PHF1: variants seen among roughly 807,000 people sequenced by gnomAD.
The protein encoded by PHF1 is PHD finger protein 1.
PHF1 carries 16 observed loss-of-function variants against 69.4 expected under a neutral mutation model. The ratio of observed to expected loss-of-function variants is 0.23; its 90% CI spans 0.16 to 0.35. The LOEUF is 0.35. Among genes scored for constraint, PHF1 ranks in the 10% least tolerant of loss-of-function variants. The pLI is 1.00. For missense variants in PHF1, 515 were observed against 732.8 expected, an observed-to-expected ratio of 0.70 and a Z score of 3.43; for synonymous variants, 274 against 275.0, an observed-to-expected ratio of 1.00 and a Z score of 0.04.
Position 33,414,863 on chromosome 6 carries a change from A to T in PHF1, c.1049+34A>T. 6.6e-7 allele frequency: 1 copy of T among 1,524,112 alleles called. No individual in the cohort carries two copies. Among genetic ancestry groups the T allele is most frequent in the Non-Finnish European group, 8.8e-7 (1 of 1,130,354 alleles). 94.4% of individuals were successfully genotyped at this position (1,524,112 alleles called of 1,614,324 possible). A position where few individuals can be genotyped will look rare whatever the true frequency, so the allele number is the denominator to read the frequency against. On this transcript the variant is annotated intron_variant, in intron 11 of 14. Transcript: ENST00000374516. This position sits in a 1 kb window ranked among gnomAD's most constrained non-coding sequence, Gnocchi z 5.0. The stretch of plus-strand genomic sequence containing the variant: ...TCCAGGGGGGATGGGGGAAATTCTC[A>T]GGGTGTTAGTCCTGGGGGGTATATG...
Position 33,414,342 on chromosome 6 carries a change from T to A in PHF1, c.852T>A (p.Asn284Lys). 6.2e-7 allele frequency: 1 copy of A among 1,614,140 alleles called. No individual in the cohort carries two copies. The highest frequency in any genetic ancestry group is 1.1e-5 in the South Asian group (1 of 91,082). ...AGATCCTCCCCTTCACTTCTGAGAA[T>A]TGGGACAGTTTGCTCCTGGGGGAGG... ...DREILPFTSE[N>K]WDSLLLGELS... Residue 284 changes from asparagine to lysine, a missense_variant, in exon 9 of 15, where the codon AAT becomes AAA. Physicochemically the swap from Asn to Lys is moderately conservative, Grantham distance 94. Coordinates refer to ENST00000374516, the MANE Select transcript of PHF1 (RefSeq NM_024165.3). This position sits in a 1 kb window ranked among gnomAD's most constrained non-coding sequence, Gnocchi z 5.0.
chr6:33,413,284 G>C lies in PHF1; in HGVS notation c.426G>C (p.Ala142=), dbSNP rs190362846. The part of the protein sequence containing the change: ...TSWVCRQCVF[A]IATKRGGALK... ...GGGTATGCCGCCAGTGTGTCTTTGC[G>C]ATCGCCACCAAGGTAAAGGCACTTC... The change falls in exon 5 of 15, where the codon GCG becomes GCC. Residue 142 remains alanine, a synonymous_variant. Transcript: ENST00000374516. 1.7e-4 allele frequency: 272 copies of C among 1,613,780 alleles called. No homozygotes were observed. The highest frequency in any genetic ancestry group is 2.2e-4 in the Non-Finnish European group (264 of 1,179,798).
chr6:33,414,433 G>A lies in PHF1; in HGVS notation c.877-44G>A. 7 of 1,613,532 alleles carry A rather than the reference G, an allele frequency of 4.3e-6. No individual in the cohort carries two copies. Among genetic ancestry groups the A allele is most frequent in the Non-Finnish European group, 5.9e-6 (7 of 1,179,520 alleles). On this transcript the variant is annotated intron_variant, in intron 9 of 14. Transcript: ENST00000374516. This position sits in a 1 kb window ranked among gnomAD's most constrained non-coding sequence, Gnocchi z 5.0. ...AGATGTAGCGGAAAGGGGAAGAGAAGAAATCACTGCTCCCCTGGCCCCATT... is the reference window on the plus strand; with the variant it reads ...AGATGTAGCGGAAAGGGGAAGAGAAAAAATCACTGCTCCCCTGGCCCCATT...
At chr6:33,413,328 G>A (rs1374321077) in intron 5 of PHF1, 32 bp downstream of exon 5, 1 of 1,610,498 alleles carries the variant, frequency 6.2e-7, no homozygotes, top group Admixed American at 1.7e-5. Context: ...CCTTCCTGTG[G>A]GAGCCTCCCA....
At position 33,412,737 on chromosome 6, in the gene PHF1, G is replaced by A. The variant is rs1387150595; in HGVS notation, c.281G>A (p.Arg94His). 2.2e-5 allele frequency: 36 copies of A among 1,614,112 alleles called. No individual in the cohort carries two copies. The highest frequency in any genetic ancestry group is 5.5e-5 in the South Asian group (5 of 91,088). Residue 94 changes from arginine to histidine, a missense_variant, in exon 4 of 15, where the codon CGC becomes CAC. Transcript: ENST00000374516. The surrounding 1 kb of genome is among the most constrained non-coding windows in gnomAD (Gnocchi z 4.2). ...GAGGAACTCCTCTGTTGTGTCTGTC[G>A]CTCTGAGACTGTGGTCCCTGGGAAC... ...PGEELLCCVC[R>H]SETVVPGNRL...
chr6:33,413,327 G>C (rs1490648341), intron 5 of PHF1, 31 bp downstream of exon 5: 3 of 1,610,700 alleles, frequency 1.9e-6, no homozygotes, highest in Admixed American at 1.7e-5. Flanking sequence ...CCCTTCCTGT[G>C]GGAGCCTCCC....
rs775566380 is a variant in PHF1, at chr6:33,414,442, G to T, written c.877-35G>T. The T allele has an allele frequency of 8.7e-6, 14 of 1,613,164 alleles. No homozygotes were observed. Among genetic ancestry groups the T allele is most frequent in the Non-Finnish European group, 1.2e-5 (14 of 1,179,202 alleles). Reference sequence around the variant, plus strand: ...GGAAAGGGGAAGAGAAGAAATCACTGCTCCCCTGGCCCCATTTTTCTTCAT... The same window carrying T: ...GGAAAGGGGAAGAGAAGAAATCACTTCTCCCCTGGCCCCATTTTTCTTCAT... On this transcript the variant is annotated intron_variant, in intron 9 of 14. Coordinates refer to ENST00000374516, the MANE Select transcript of PHF1 (RefSeq NM_024165.3). This position sits in a 1 kb window ranked among gnomAD's most constrained non-coding sequence, Gnocchi z 5.0.
At position 33,413,556 on chromosome 6, in the gene PHF1, G is replaced by GA; in HGVS notation, c.587dup (p.Trp197ValfsTer17). 1 of 1,614,206 alleles carries GA rather than the reference G, an allele frequency of 6.2e-7. No individual in the cohort carries two copies. Among genetic ancestry groups the GA allele is most frequent in the Non-Finnish European group, 8.5e-7 (1 of 1,180,026 alleles). On this transcript the variant is annotated frameshift_variant and splice_region_variant, in exon 6 of 15. Transcript: ENST00000374516. LOFTEE classifies it high-confidence loss of function. The stretch of plus-strand genomic sequence containing the variant: ...TTACTGTTACTGTGGTGGCCCTGGG[G>GA]AGTGAGTAATGAGAGGGGAGCAGAC...
chr6:33,414,950 T>C lies in PHF1; in HGVS notation c.1050-5T>C. The C allele has an allele frequency of 6.6e-7, 1 of 1,525,310 alleles. No individual in the cohort carries two copies. Among genetic ancestry groups the C allele is most frequent in the Non-Finnish European group, 8.8e-7 (1 of 1,134,998 alleles). The allele number at this position is 1,525,310 out of a possible 1,614,324, so 94.5% of individuals were successfully genotyped here. A position where few individuals can be genotyped will look rare whatever the true frequency, so the allele number is the denominator to read the frequency against. ...GGGCTGGGGGGATAAGGAGGCCTCT[T>C]ACAGCTTCCCTTCAGGGCAGGGCCC... On this transcript the variant is annotated splice_polypyrimidine_tract_variant and splice_region_variant and intron_variant, in intron 11 of 14. Transcript: ENST00000374516. This position sits in a 1 kb window ranked among gnomAD's most constrained non-coding sequence, Gnocchi z 5.0.
Position 33,413,964 on chromosome 6 carries a change from T to C in PHF1, c.684-77T>C. ...AGCGTTACCTCACCTGTTTGCCCCGTCCTTGCTTGTGAGTCTTCCAGGGGA... is the reference window on the plus strand; with the variant it reads ...AGCGTTACCTCACCTGTTTGCCCCGCCCTTGCTTGTGAGTCTTCCAGGGGA... On this transcript the variant is annotated intron_variant, in intron 7 of 14. Coordinates refer to ENST00000374516, the MANE Select transcript of PHF1 (RefSeq NM_024165.3). 2.5e-6 allele frequency: 4 copies of C among 1,588,166 alleles called. No individual in the cohort carries two copies. In the South Asian group the frequency reaches 4.4e-5, roughly 18 times the overall value.
intron 13 of PHF1, 63 bp from the exon 14 acceptor site, chr6:33,415,527 T>C (rs1331594168): frequency 6.5e-7 from 1 of 1,538,440 alleles, no homozygotes; most frequent in Non-Finnish European, 9.0e-7. Context: ...GCTCTGCACT[T>C]CCCAGGGGGA....
At chr6:33,415,691 A>G (rs1355476903) in intron 14 of PHF1, 21 bp downstream of exon 14, 3 of 1,612,326 alleles carry the variant, frequency 1.9e-6, no homozygotes, top group Non-Finnish European at 2.5e-6. Context: ...GTCTTCTATT[A>G]CCAGTGATGC....
In PHF1 at chr6:33,414,176, C is replaced by T; in HGVS notation, c.752+67C>T. On this transcript the variant is annotated intron_variant, in intron 8 of 14. Transcript: ENST00000374516. This position sits in a 1 kb window ranked among gnomAD's most constrained non-coding sequence, Gnocchi z 5.0. ...CAGTATTTCACTCTATATGCCCCAACCTCCCACCTCAGGACTCCCCTGGCT... is the reference window on the plus strand; with the variant it reads ...CAGTATTTCACTCTATATGCCCCAATCTCCCACCTCAGGACTCCCCTGGCT... 1.2e-6 allele frequency: 2 copies of T among 1,613,772 alleles called. No homozygotes were observed. Among genetic ancestry groups the T allele is most frequent in the Non-Finnish European group, 1.7e-6 (2 of 1,179,692 alleles).
chr6:33,415,087 C>G lies in PHF1; in HGVS notation c.1182C>G (p.Arg394=), dbSNP rs1241436512. 1 of 1,613,000 alleles carries G rather than the reference C, an allele frequency of 6.2e-7. No individual in the cohort carries two copies. Among genetic ancestry groups the G allele is most frequent in the Non-Finnish European group, 8.5e-7 (1 of 1,179,452 alleles). The change falls in exon 12 of 15, where the codon CGC becomes CGG. Residue 394 remains arginine, a synonymous_variant. Coordinates refer to ENST00000374516, the MANE Select transcript of PHF1 (RefSeq NM_024165.3). The part of the protein sequence containing the change: ...VEELGPPSAV[R]NQPEPQEQRE... ...AGCTGGGGCCACCCTCAGCAGTGCGCAATCAGCCCGAGCCCCAGGAGCAGA... is the reference window on the plus strand; with the variant it reads ...AGCTGGGGCCACCCTCAGCAGTGCGGAATCAGCCCGAGCCCCAGGAGCAGA...
rs143366591 is a variant in PHF1 at position 33,414,165 on chromosome 6, A to G, written c.752+56A>G. On this transcript the variant is annotated intron_variant, in intron 8 of 14. Coordinates refer to ENST00000374516, the MANE Select transcript of PHF1 (RefSeq NM_024165.3). The surrounding 1 kb of genome is among the most constrained non-coding windows in gnomAD (Gnocchi z 5.0). ...ACTCCACACCACAGTATTTCACTCT[A>G]TATGCCCCAACCTCCCACCTCAGGA... 2,054 of 1,613,492 alleles carry G rather than the reference A, an allele frequency of 1.3e-3. 9 individuals carry two copies. In the African/African-American group the frequency reaches 0.013, roughly 10 times the overall value.
rs867728605 is a variant in PHF1 at position 33,412,035 on chromosome 6, G to A, written c.-16-213G>A. 3.6e-4 allele frequency among the ~76,000 whole-genome samples: 55 copies of A among 152,078 alleles called. No homozygotes were observed. Among genetic ancestry groups the A allele is most frequent in the African/African-American group, 1.2e-3 (48 of 41,388 alleles). On this transcript the variant is annotated intron_variant, in intron 1 of 14. Coordinates refer to ENST00000374516, the MANE Select transcript of PHF1 (RefSeq NM_024165.3). The surrounding 1 kb of genome is among the most constrained non-coding windows in gnomAD (Gnocchi z 4.2). The stretch of plus-strand genomic sequence containing the variant: ...AAATTAGCCAGGCATGGTGGCATGC[G>A]CCTGTAATCCCACCTACTTGGGAGA...
chr6:33,414,229 C>A lies in PHF1; in HGVS notation c.753-14C>A. The A allele has an allele frequency of 6.2e-7, 1 of 1,614,094 alleles. No homozygotes were observed. The highest frequency in any genetic ancestry group is 8.5e-7 in the Non-Finnish European group (1 of 1,180,006). On this transcript the variant is annotated splice_polypyrimidine_tract_variant and intron_variant, in intron 8 of 14. Coordinates refer to ENST00000374516, the MANE Select transcript of PHF1 (RefSeq NM_024165.3). This position sits in a 1 kb window ranked among gnomAD's most constrained non-coding sequence, Gnocchi z 5.0. ...TAAAATGCCTCTGTGGTCTTGAAAA[C>A]TTTGTTTTTCCAGGGTGGATGTGGC...
rs774030157 is a variant in PHF1, at chr6:33,412,731, T to C, written c.275T>C (p.Val92Ala). Residue 92 changes from valine (V) to alanine (A), a missense_variant, in exon 4 of 15, where the codon GTC (valine) becomes GCC (alanine). By Grantham distance (64) the Val-to-Ala change is moderately conservative. Transcript: ENST00000374516. This position sits in a 1 kb window ranked among gnomAD's most constrained non-coding sequence, Gnocchi z 4.2. ...ALPGEELLCC[V>A]CRSETVVPGN... ...CCTGGAGAGGAACTCCTCTGTTGTG[T>C]CTGTCGCTCTGAGACTGTGGTCCCT... The C allele has an allele frequency of 1.9e-6, 3 of 1,614,080 alleles. No individual in the cohort carries two copies. The highest frequency in any genetic ancestry group is 2.5e-6 in the Non-Finnish European group (3 of 1,180,004).
At position 33,412,979 on chromosome 6, in the gene PHF1, G is replaced by T; in HGVS notation, c.337+186G>T. ...GAAAGGGGTGGTATAACCTTTGCAGGCAGAAGATGGTTTAAATGCATCCTT... is the reference window on the plus strand; with the variant it reads ...GAAAGGGGTGGTATAACCTTTGCAGTCAGAAGATGGTTTAAATGCATCCTT... On this transcript the variant is annotated intron_variant, in intron 4 of 14. Coordinates refer to ENST00000374516, the MANE Select transcript of PHF1 (RefSeq NM_024165.3). This position sits in a 1 kb window ranked among gnomAD's most constrained non-coding sequence, Gnocchi z 4.2. 1.5e-6 allele frequency: 1 copy of T among 681,302 alleles called. No homozygotes were observed. The allele number at this position is 681,302 out of a possible 1,614,324, so 42.2% of individuals were successfully genotyped here.
Sources: allele counts gnomAD v4.1 joint callset (sites outside exome capture counted in the v4.1 genomes callset), GRCh38; gene constraint gnomAD v4.1.1; non-coding constraint Gnocchi (gnomAD v3.1); transcripts MANE v1.5; gene names NCBI Gene and HGNC (gene_info 2026-07-23, HGNC 2026-07-21).